Variants in ARMC3 observed in about 807,000 individuals in gnomAD.
The protein encoded by ARMC3 is armadillo repeat containing 3.
In ARMC3, 74 loss-of-function variants were observed where a neutral mutation model predicts 90.3. That is an observed-to-expected ratio of 0.82 (90% CI 0.68 to 0.99). ARMC3 has a LOEUF of 0.99. Among genes scored for constraint, ARMC3 ranks in the 50% least tolerant of loss-of-function variants. ARMC3 has a pLI of 0.00. For missense variants in ARMC3, 958 were observed against 1,042.8 expected (o/e 0.92, Z 1.12); for synonymous variants, 334 against 361.8 (o/e 0.92, Z 0.87).
intron 4 of ARMC3, among the ~76,000 whole-genome samples, chr10:22,958,517 A>G (rs139212442): frequency 8.5e-5 from 13 of 152,198 alleles, no homozygotes; most frequent in African/African-American, 3.1e-4. Context: ...TTGCACTTTT[A>G]TGGTTGTTTC....
At chr10:22,959,178 G>C (rs1421537549) in intron 5 of ARMC3, 40 bp downstream of exon 5, 3 of 1,521,564 alleles carry the variant, frequency 2.0e-6, no homozygotes, top group Non-Finnish European at 2.7e-6. Context: ...AAATGGAACT[G>C]GTTTTTTACA....
intron 10 of ARMC3, among the ~76,000 whole-genome samples, chr10:22,987,950 C>G (rs1205404925): frequency 6.6e-6 from 1 of 152,190 alleles, no homozygotes; most frequent in Admixed American, 6.5e-5. Context: ...CAGAAACTGT[C>G]TTGCTGTTGT....
Position 23,030,779 on chromosome 10 carries a change from G to T in ARMC3, c.2229G>T (p.Gln743His). The change falls in exon 17 of 19, where the codon CAG (glutamine) becomes CAT (histidine). Residue 743 changes from glutamine to histidine, a missense_variant. Coordinates refer to ENST00000298032, the MANE Select transcript of ARMC3 (RefSeq NM_173081.5). ...TGCCAATAACCAATATTAAGGAACAGATTGAGGATCTGGCAAAGTAAGTTG... is the reference window on the plus strand; with the variant it reads ...TGCCAATAACCAATATTAAGGAACATATTGAGGATCTGGCAAAGTAAGTTG... Reference protein sequence around the residue: ...SILPITNIKEQIEDLAKYVAE... With the variant: ...SILPITNIKEHIEDLAKYVAE... 6.2e-7 allele frequency: 1 copy of T among 1,613,532 alleles called. No homozygotes were observed. The highest frequency in any genetic ancestry group is 8.5e-7 in the Non-Finnish European group (1 of 1,179,668).
intron 17 of ARMC3, among the ~76,000 whole-genome samples, chr10:23,031,460 G>GCAA (rs141991512): frequency 0.021 from 3,145 of 152,294 alleles, 109 homozygotes; most frequent in African/African-American, 0.073. Context: ...GCTGGCTTGT[G>GCAA]CAACAGCTGC....
Position 23,008,834 on chromosome 10 carries a change from A to C in ARMC3, c.1948A>C (p.Ser650Arg), listed in dbSNP as rs377614817. 1.7e-5 allele frequency: 28 copies of C among 1,613,114 alleles called. No individual in the cohort carries two copies. Among genetic ancestry groups the C allele is most frequent in the Non-Finnish European group, 2.4e-5 (28 of 1,179,390 alleles). The change falls in exon 16 of 19, where the codon AGT becomes CGT. Residue 650 changes from serine (S) to arginine (R), a missense_variant. Coordinates refer to ENST00000298032, the MANE Select transcript of ARMC3 (RefSeq NM_173081.5). ...EKNKKNSYHF[S>R]AGFGSPIEDK... ...GACAAGAAAAAATAGTTATCATTTT[A>C]GTGCTGGATTTGGATCTCCCATAGA...
chr10:23,020,341 G>T (rs1008469802), intron 16 of ARMC3, among the ~76,000 whole-genome samples: 1 of 151,974 alleles, frequency 6.6e-6, no homozygotes, highest in Admixed American at 6.6e-5. Flanking sequence ...CTAAATGATG[G>T]CCAGGCTGGT....
At chr10:23,022,262 A>G (rs759850551) in intron 16 of ARMC3, among the ~76,000 whole-genome samples, 6 of 152,198 alleles carry the variant, frequency 3.9e-5, no homozygotes, top group Non-Finnish European at 7.3e-5. Context: ...ATGAATGCCT[A>G]ATTTTTCCAG....
chr10:23,026,310 C>T (rs1391186372), intron 16 of ARMC3, among the ~76,000 whole-genome samples: 1 of 151,964 alleles, frequency 6.6e-6, no homozygotes, highest in Non-Finnish European at 1.5e-5. Flanking sequence ...ATCAGTATTC[C>T]TCATGAACAT....
At chr10:23,021,920 T>G (rs1205678246) in intron 16 of ARMC3, among the ~76,000 whole-genome samples, 4 of 152,212 alleles carry the variant, frequency 2.6e-5, no homozygotes, top group Admixed American at 6.5e-5. Context: ...GTACCTTGTC[T>G]TTTTATTCCC....
intron 16 of ARMC3, among the ~76,000 whole-genome samples, chr10:23,013,219 A>G (rs139286081): frequency 8.9e-4 from 135 of 152,266 alleles, no homozygotes; most frequent in African/African-American, 2.3e-3. Flanking sequence ...TTTTTAAATG[A>G]AAGTCAGATC....
rs763675532 is a variant in ARMC3, at chr10:22,981,616, T to G, written c.1091T>G (p.Leu364Trp). The G allele has an allele frequency of 2.5e-6, 4 of 1,614,142 alleles. No individual in the cohort carries two copies. The East Asian group carries it at 8.9e-5, about 36-fold the overall frequency. ...GTAGGGATTCCACAGTTAATTCAGT[T>G]GCTAAAAAGTGACAATGAAGAGGTA... ...NNQGIPQLIQ[L>W]LKSDNEEVRE... Residue 364 changes from leucine to tryptophan, a missense_variant, in exon 10 of 19, where the codon TTG becomes TGG. Leu to Trp is a moderately conservative substitution (Grantham distance 61). Coordinates refer to ENST00000298032, the MANE Select transcript of ARMC3 (RefSeq NM_173081.5).
At chr10:23,010,963 CCCTTCCCTCTTCTCT>C in intron 16 of ARMC3, among the ~76,000 whole-genome samples, 1 of 135,610 alleles carries the variant, frequency 7.4e-6, no homozygotes, top group Non-Finnish European at 1.6e-5. Context: ...CCCTGTTCTT[CCCTTCCCTCTTCTCT>C]CCTTCCCTTT....
At chr10:22,931,849 T>C in intron 1 of ARMC3, 147 bp from the exon 2 acceptor site, 1 of 636,708 alleles carries the variant, frequency 1.6e-6, no homozygotes, top group Non-Finnish European at 2.7e-6. Context: ...GACATATTTG[T>C]ACATATGTGA....
intron 10 of ARMC3, among the ~76,000 whole-genome samples, chr10:22,989,714 A>G (rs1358092941): frequency 6.6e-6 from 1 of 152,226 alleles, no homozygotes; most frequent in African/African-American, 2.4e-5. Context: ...TCCTCATGGT[A>G]AACCTGAGAA....
At chr10:22,994,890 G>A (rs1228122556) in intron 10 of ARMC3, among the ~76,000 whole-genome samples, 2 of 152,154 alleles carry the variant, frequency 1.3e-5, no homozygotes, top group Admixed American at 6.5e-5. Context: ...ATAAACAGAT[G>A]TTTTCATACA....
chr10:22,959,243 A>C (rs370648965), intron 5 of ARMC3, 105 bp downstream of exon 5: 1 of 1,347,696 alleles, frequency 7.4e-7, no homozygotes, highest in Non-Finnish European at 1.0e-6. Context: ...AGTGTTATTA[A>C]AATCTCTCAA....
intron 3 of ARMC3, among the ~76,000 whole-genome samples, chr10:22,949,054 A>C (rs11498389): frequency 0.058 from 8,901 of 152,240 alleles, 842 homozygotes; most frequent in African/African-American, 0.2. Context: ...TGTAGAATAC[A>C]CAGAGGAGTC....
chr10:23,032,700 G>A (rs1239560887), intron 17 of ARMC3, among the ~76,000 whole-genome samples, 161 bp from the exon 18 acceptor site: 1 of 152,192 alleles, frequency 6.6e-6, no homozygotes, highest in Non-Finnish European at 1.5e-5. Context: ...CTATGCTACA[G>A]TAAGCATAAC....
intron 2 of ARMC3, among the ~76,000 whole-genome samples, chr10:22,932,418 C>T (rs1833966844): frequency 6.6e-6 from 1 of 152,168 alleles, no homozygotes; most frequent in African/African-American, 2.4e-5. Context: ...TCTGCTATAG[C>T]TATTAGATAT....
Sources: gnomAD v4.1 joint callset for allele counts (sites outside exome capture counted in the v4.1 genomes callset) on GRCh38, gnomAD v4.1.1 for gene constraint, MANE v1.5 for transcripts, NCBI Gene and HGNC (gene_info 2026-07-23, HGNC 2026-07-21) for gene names.